VPS26A: variants seen among roughly 807,000 people sequenced by gnomAD.
VPS26A encodes VPS26 retromer complex component A.
Under a neutral mutation model 42.4 loss-of-function variants are expected in VPS26A, and 22 were observed. That is an observed-to-expected ratio of 0.52 (90% confidence interval 0.37 to 0.74). The LOEUF is 0.74. VPS26A is among the 30% of genes least tolerant of loss of function. The pLI, the probability that VPS26A is intolerant of heterozygous loss-of-function variation, is 0.00. For synonymous variants in VPS26A, 110 were observed against 123.5 expected (o/e 0.89, Z 0.73); for missense variants, 276 against 379.2 (o/e 0.73, Z 2.26).
intron 2 of VPS26A, among the ~76,000 whole-genome samples, chr10:69,153,916 C>G (rs1444019921): frequency 6.6e-6 from 1 of 152,158 alleles, no homozygotes; most frequent in Non-Finnish European, 1.5e-5. Flanking sequence ...TGGGTACATT[C>G]AGTGAACAAG....
chr10:69,157,593 C>T (rs1191045069), intron 4 of VPS26A, among the ~76,000 whole-genome samples: 3 of 152,132 alleles, frequency 2.0e-5, no homozygotes, highest in African/African-American at 7.2e-5. Flanking sequence ...AATTCAGTGT[C>T]CTTTCCCTTC....
chr10:69,136,545 A>C (rs1192187313), intron 2 of VPS26A, among the ~76,000 whole-genome samples: 1 of 151,924 alleles, frequency 6.6e-6, no homozygotes, highest in Non-Finnish European at 1.5e-5. Flanking sequence ...GCTGGATTAC[A>C]GGCGTGAGCT....
Position 69,141,554 on chromosome 10 carries a change from C to T in VPS26A, c.153+8507C>T, listed in dbSNP as rs9804212. Among the ~76,000 whole-genome samples the T allele has an allele frequency of 2.4e-3, 363 of 152,306 alleles. 4 individuals carry two copies. Among genetic ancestry groups the T allele is most frequent in the African/African-American group, 8.3e-3 (344 of 41,554 alleles). The stretch of plus-strand genomic sequence containing the variant: ...AGGGAATACAATCATACCATGCACT[C>T]AGAATGTATGCAGCTGGAAATATTT... On this transcript the variant is annotated intron_variant, in intron 2 of 8. Coordinates refer to ENST00000263559, the MANE Select transcript of VPS26A (RefSeq NM_004896.5).
chr10:69,154,881 G>T (rs1340332704), intron 2 of VPS26A, among the ~76,000 whole-genome samples: 1 of 152,174 alleles, frequency 6.6e-6, no homozygotes, highest in East Asian at 1.9e-4. Flanking sequence ...ATGTGTGTGT[G>T]TGCGCGCACG....
chr10:69,131,622 A>G (rs1840780185), intron 1 of VPS26A, among the ~76,000 whole-genome samples: 3 of 152,048 alleles, frequency 2.0e-5, no homozygotes, highest in African/African-American at 7.2e-5. Flanking sequence ...AGTTCCAGCT[A>G]CTTGGGAGGC....
At chr10:69,152,746 G>A (rs898099593) in intron 2 of VPS26A, among the ~76,000 whole-genome samples, 1 of 152,108 alleles carries the variant, frequency 6.6e-6, no homozygotes, top group Non-Finnish European at 1.5e-5. Flanking sequence ...GAGGCGGGTG[G>A]ATCACGAGGT....
Position 69,158,091 on chromosome 10 carries a change from TAA to T in VPS26A, c.434_435del (p.Lys145ArgfsTer3). On this transcript the variant is annotated frameshift_variant, in exon 5 of 9. Coordinates refer to ENST00000263559, the MANE Select transcript of VPS26A (RefSeq NM_004896.5). LOFTEE classifies it high-confidence loss of function. Reference sequence around the variant, plus strand: ...ATAGTGAGAAGACTGACAGATTTGGTAAAAGAGTATGATCTTATTGTTCACCA... The same window carrying T: ...ATAGTGAGAAGACTGACAGATTTGGTAAGAGTATGATCTTATTGTTCACCA... 1 of 1,612,258 alleles carries T rather than the reference TAA, an allele frequency of 6.2e-7. No individual in the cohort carries two copies. Among genetic ancestry groups the T allele is most frequent in the Non-Finnish European group, 8.5e-7 (1 of 1,179,290 alleles).
chr10:69,128,996 C>CA (rs60820610), intron 1 of VPS26A, among the ~76,000 whole-genome samples: 40 of 68,374 alleles, frequency 5.9e-4, no homozygotes, highest in African/African-American at 1.4e-3. Flanking sequence ...GACTCTGTCT[C>CA]AAAAAAAAAA....
chr10:69,131,285 T>C (rs573917587), intron 1 of VPS26A, among the ~76,000 whole-genome samples: 92 of 152,304 alleles, frequency 6.0e-4, no homozygotes, highest in Admixed American at 2.6e-3. Flanking sequence ...CAGCCAGATA[T>C]GTTTTTTAAA....
intron 1 of VPS26A, among the ~76,000 whole-genome samples, chr10:69,127,093 A>ATTT (rs71035057): frequency 0.13 from 12,789 of 97,394 alleles, 1,066 homozygotes; most frequent in Middle Eastern, 0.22. Context: ...CACCCGGCCA[A>ATTT]TTTTTTTTTT....
chr10:69,125,567 C>G (rs919151461), intron 1 of VPS26A, among the ~76,000 whole-genome samples: 13 of 108,732 alleles, frequency 1.2e-4, no homozygotes, highest in African/African-American at 3.4e-4. Flanking sequence ...GAAAAGAAAA[C>G]TTAAAAGGTC....
intron 7 of VPS26A, 122 bp from the exon 8 acceptor site, chr10:69,168,367 T>C (rs1564688946): frequency 6.3e-6 from 7 of 1,103,760 alleles, no homozygotes; most frequent in Non-Finnish European, 9.1e-6. Context: ...CCCTGGTCTT[T>C]GTTATTTTGC....
At chr10:69,153,277 T>C (rs1841361392) in intron 2 of VPS26A, among the ~76,000 whole-genome samples, 1 of 152,048 alleles carries the variant, frequency 6.6e-6, no homozygotes, top group Admixed American at 6.5e-5. Flanking sequence ...CTGGAACTCC[T>C]CATCTCAAGT....
At position 69,171,142 on chromosome 10, in the gene VPS26A, C is replaced by A. The variant is rs370107237; in HGVS notation, c.871-14C>A. On this transcript the variant is annotated splice_polypyrimidine_tract_variant and intron_variant, in intron 8 of 8. Transcript: ENST00000263559. ...CAAACATTAATTTGTTAATATCTTG[C>A]ATTTGTTTACTAGGAGATAATTTTA... 6 of 1,589,958 alleles carry A rather than the reference C, an allele frequency of 3.8e-6. No homozygotes were observed. Among genetic ancestry groups the A allele is most frequent in the Non-Finnish European group, 5.2e-6 (6 of 1,164,340 alleles).
At chr10:69,165,939 C>A in intron 6 of VPS26A, 103 bp from the exon 7 acceptor site, 1 of 1,135,314 alleles carries the variant, frequency 8.8e-7, no homozygotes, top group Non-Finnish European at 1.3e-6. Flanking sequence ...GAGCGAGACA[C>A]CGTCTCTAAA....
In VPS26A at chr10:69,129,260, T is replaced by C. The variant is rs575084797; in HGVS notation, c.4-3638T>C. Among the ~76,000 whole-genome samples, 3 of 152,286 alleles carry C rather than the reference T, an allele frequency of 2.0e-5. No homozygotes were observed. In the East Asian group the frequency reaches 5.8e-4, roughly 29 times the overall value. ...CCTGCTAGCTCAGCACATATTCGAT[T>C]AGTAAATGTGAGCTGCATGATTTTA... On this transcript the variant is annotated intron_variant, in intron 1 of 8. Transcript: ENST00000263559.
chr10:69,130,986 G>T (rs1386979129), intron 1 of VPS26A, among the ~76,000 whole-genome samples: 2 of 152,110 alleles, frequency 1.3e-5, no homozygotes, highest in Non-Finnish European at 2.9e-5. Context: ...AATAACACTT[G>T]TGAACATTTT....
rs34811737 is a variant in VPS26A, at chr10:69,171,443, G to A, written c.*174G>A. On this transcript the variant is annotated 3_prime_UTR_variant, in exon 9 of 9. Transcript: ENST00000263559. ...TATTTTATGATATAATGAAATGTTC[G>A]TTCATGTATATACATTTTTAAAAGT... is the stretch of plus-strand genomic sequence containing the variant. 0.18 allele frequency: 95,138 copies of A among 516,858 alleles called. 10,523 individuals are homozygous for A. Among genetic ancestry groups the A allele is most frequent in the Non-Finnish European group, 0.22 (66,751 of 299,986 alleles). 32.0% of individuals were successfully genotyped at this position (516,858 alleles called of 1,614,324 possible).
rs181248557 is a variant in VPS26A, at chr10:69,140,071, A to G, written c.153+7024A>G. 4.7e-5 allele frequency among the ~76,000 whole-genome samples: 7 copies of G among 147,914 alleles called. No individual in the cohort carries two copies. In the East Asian group the frequency reaches 5.9e-4, roughly 12 times the overall value. ...TTTTATGTGAAATTAGTTTTCCCCA[A>G]TGTTTTTTTTTTTTGAGATAAGATC... On this transcript the variant is annotated intron_variant, in intron 2 of 8. Transcript: ENST00000263559.
Sources: allele counts gnomAD v4.1 joint callset (sites outside exome capture counted in the v4.1 genomes callset), GRCh38; gene constraint gnomAD v4.1.1; transcripts MANE v1.5; gene names NCBI Gene and HGNC (gene_info 2026-07-23, HGNC 2026-07-21).